NDUFAF5: variants seen among roughly 807,000 people sequenced by gnomAD.
The protein encoded by NDUFAF5 is NADH:ubiquinone oxidoreductase complex assembly factor 5, also known as arginine-hydroxylase NDUFAF5, mitochondrial.
NDUFAF5 carries 34 observed loss-of-function variants against 48.9 expected under a neutral mutation model. That is an observed-to-expected ratio of 0.70 (90% CI 0.53 to 0.93). The LOEUF (loss-of-function observed/expected upper bound fraction) is 0.93, where lower values mean the gene tolerates loss of function less well. Ranked by LOEUF, NDUFAF5 falls within the 40% of genes least tolerant of loss-of-function variation. The probability of loss-of-function intolerance (pLI) is 0.00; values close to 1 mark genes in which losing one functional copy is unlikely to be tolerated. For missense variants in NDUFAF5, 428 were observed against 427.5 expected (o/e 1.00, Z -0.01); for synonymous variants, 153 against 150.6 (o/e 1.02, Z -0.12).
chr20:13,785,312 G>T (rs1221270307), intron 1 of NDUFAF5, 22 bp downstream of exon 1: 2 of 1,575,130 alleles, frequency 1.3e-6, no homozygotes, highest in Non-Finnish European at 8.7e-7. Flanking sequence ...GGGCGGCGGG[G>T]CGGCGGGGCG....
At position 13,795,723 on chromosome 20, in the gene NDUFAF5, G is replaced by A. The variant is rs753064355; in HGVS notation, c.479+782G>A. Among the ~76,000 whole-genome samples, 6 of 152,168 alleles carry A rather than the reference G, an allele frequency of 3.9e-5. 1 individual carries two copies. The highest frequency in any genetic ancestry group is 2.6e-4 in the Admixed American group (4 of 15,280). On this transcript the variant is annotated intron_variant, in intron 5 of 10. Transcript: ENST00000378106. ...AGTCCCAGCTACTTGGGAGGCTGAG[G>A]CAGGAGGATCACTTGAGCCTGGTAA...
chr20:13,797,207 C>A (rs1983373214), intron 5 of NDUFAF5, among the ~76,000 whole-genome samples: 1 of 152,198 alleles, frequency 6.6e-6, no homozygotes, highest in Non-Finnish European at 1.5e-5. Context: ...ACTAAACATA[C>A]TCTTAGCGTA....
chr20:13,798,340 G>C (rs373189041), intron 5 of NDUFAF5, 121 bp from the exon 6 acceptor site: 12 of 749,384 alleles, frequency 1.6e-5, no homozygotes, highest in African/African-American at 1.6e-4. Flanking sequence ...CAGTGGATTT[G>C]GATATGCAGT....
intron 8 of NDUFAF5, chr20:13,814,476 A>G: frequency 7.8e-7 from 1 of 1,289,218 alleles, no homozygotes; most frequent in East Asian, 5.5e-5. Flanking sequence ...CAGCTGATGA[A>G]TGCATGAGAA....
intron 5 of NDUFAF5, among the ~76,000 whole-genome samples, chr20:13,797,044 A>G (rs1408483352): frequency 6.6e-6 from 1 of 152,152 alleles, no homozygotes; most frequent in Admixed American, 6.5e-5. Context: ...TGTTTTTATC[A>G]CCTTAAAAAA....
intron 8 of NDUFAF5, among the ~76,000 whole-genome samples, chr20:13,812,189 G>T (rs976669597): frequency 6.6e-6 from 1 of 152,104 alleles, no homozygotes; most frequent in Non-Finnish European, 1.5e-5. Flanking sequence ...TTGACCTATC[G>T]TGCAGCCTCC....
In NDUFAF5 at chr20:13,787,353, G is replaced by GT. The variant is rs751791026; in HGVS notation, c.263+2dup. The GT allele has an allele frequency of 4.8e-5, 77 of 1,613,750 alleles. No homozygotes were observed. Among genetic ancestry groups the GT allele is most frequent in the Non-Finnish European group, 6.0e-5 (71 of 1,179,754 alleles). ...CAGACCGTGTATATGACATACCCAG[G>GT]TAAGTGGTGGTGATCATAATACAAT... On this transcript the variant is annotated splice_donor_variant, in intron 2 of 10. Coordinates refer to ENST00000378106, the MANE Select transcript of NDUFAF5 (RefSeq NM_024120.5). LOFTEE classifies it high-confidence loss of function.
chr20:13,804,699 A>G (rs1384062949), intron 7 of NDUFAF5, among the ~76,000 whole-genome samples: 1 of 152,170 alleles, frequency 6.6e-6, no homozygotes, highest in Non-Finnish European at 1.5e-5. Flanking sequence ...CTTCTATACA[A>G]ATTCATTTAT....
intron 2 of NDUFAF5, 130 bp downstream of exon 2, chr20:13,787,482 C>T: frequency 1.2e-6 from 1 of 855,124 alleles, no homozygotes; most frequent in South Asian, 1.3e-5. Context: ...ATTTAAATCA[C>T]TCTGTAAGTC....
At chr20:13,801,050 G>T (rs1436869793) in intron 6 of NDUFAF5, among the ~76,000 whole-genome samples, 2 of 152,150 alleles carry the variant, frequency 1.3e-5, no homozygotes, top group Admixed American at 1.3e-4. Flanking sequence ...GAGTCACAAG[G>T]CCAGCCAAGA....
Position 13,793,868 on chromosome 20 carries a change from T to C in NDUFAF5, c.375+641T>C, listed in dbSNP as rs1232653276. ...AAAGGTACTTTTTACTACTTTGCTT[T>C]GGCAACACTGGGCCAGCCTTTTCGT... On this transcript the variant is annotated intron_variant, in intron 4 of 10. Coordinates refer to ENST00000378106, the MANE Select transcript of NDUFAF5 (RefSeq NM_024120.5). 3.9e-5 allele frequency among the ~76,000 whole-genome samples: 6 copies of C among 152,230 alleles called. No homozygotes were observed. In the East Asian group the frequency reaches 1.2e-3, roughly 29 times the overall value.
chr20:13,809,123 G>A (rs1221247823), intron 8 of NDUFAF5: 1 of 564,874 alleles, frequency 1.8e-6, no homozygotes, highest in Non-Finnish European at 3.2e-6. Context: ...ACAGAGATAA[G>A]TGTTAAATTA....
rs1469637113 is a variant in NDUFAF5, at chr20:13,787,365, G to C, written c.263+13G>C. ...ATGACATACCCAGGTAAGTGGTGGT[G>C]ATCATAATACAATACCATCAACTTT... On this transcript the variant is annotated intron_variant, in intron 2 of 10. Coordinates refer to ENST00000378106, the MANE Select transcript of NDUFAF5 (RefSeq NM_024120.5). The C allele has an allele frequency of 6.2e-7, 1 of 1,612,848 alleles. No individual in the cohort carries two copies. Among genetic ancestry groups the C allele is most frequent in the Admixed American group, 1.7e-5 (1 of 60,012 alleles).
chr20:13,813,528 T>C (rs1986119499), intron 8 of NDUFAF5, among the ~76,000 whole-genome samples: 1 of 152,218 alleles, frequency 6.6e-6, no homozygotes, highest in African/African-American at 2.4e-5. Context: ...AAATACGTAG[T>C]TCCTGATCTC....
In NDUFAF5 at chr20:13,818,442, G is replaced by T; in HGVS notation, c.*1232G>T. ...TAGAATTTGGCGTTTTGTTTTTTGGGGTTTTTTTTTTTTTTAGCTTAATTT... is the reference window on the plus strand; with the variant it reads ...TAGAATTTGGCGTTTTGTTTTTTGGTGTTTTTTTTTTTTTTAGCTTAATTT... On this transcript the variant is annotated 3_prime_UTR_variant, in exon 11 of 11. Transcript: ENST00000378106. The T allele has an allele frequency of 3.1e-6, 1 of 325,466 alleles. No individual in the cohort carries two copies. Among genetic ancestry groups the T allele is most frequent in the Non-Finnish European group, 5.9e-6 (1 of 169,364 alleles). The allele number at this position is 325,466 out of a possible 1,614,324, so 20.2% of individuals were successfully genotyped here.
chr20:13,785,931 A>G (rs917235562), intron 1 of NDUFAF5, among the ~76,000 whole-genome samples: 4 of 152,136 alleles, frequency 2.6e-5, no homozygotes, highest in African/African-American at 4.8e-5. Context: ...TTGAAATTAC[A>G]TATGTGGCTC....
intron 5 of NDUFAF5, among the ~76,000 whole-genome samples, chr20:13,795,914 A>G (rs567739402): frequency 3.3e-5 from 5 of 152,354 alleles, no homozygotes; most frequent in African/African-American, 1.2e-4. Context: ...TTACACAAAC[A>G]TGTAATGCAA....
intron 3 of NDUFAF5, among the ~76,000 whole-genome samples, chr20:13,791,007 C>G (rs756178294): frequency 6.6e-6 from 1 of 152,176 alleles, no homozygotes; most frequent in Non-Finnish European, 1.5e-5. Context: ...TTGATCACTA[C>G]TAAATCCTAG....
chr20:13,787,185 C>T (rs567461277), intron 1 of NDUFAF5, 127 bp from the exon 2 acceptor site: 1 of 1,042,484 alleles, frequency 9.6e-7, no homozygotes, highest in East Asian at 2.4e-5. Context: ...AAGAAAGTTC[C>T]TGTGGTGAAA....
Sources: gnomAD v4.1 joint callset for allele counts (sites outside exome capture counted in the v4.1 genomes callset) on GRCh38, gnomAD v4.1.1 for gene constraint, MANE v1.5 for transcripts, NCBI Gene and HGNC (gene_info 2026-07-23, HGNC 2026-07-21) for gene names.